Variants in ALPK1 observed in about 807,000 individuals in gnomAD.
ALPK1 encodes alpha-protein kinase 1.
ALPK1 carries 110 observed loss-of-function variants against 120.6 expected under a neutral mutation model. That is an observed-to-expected ratio of 0.91 (90% confidence interval 0.78 to 1.07). The LOEUF is 1.07. ALPK1 is among the 50% of genes least tolerant of loss of function. ALPK1 has a pLI of 0.00. For missense variants in ALPK1, 1,498 were observed against 1,483.9 expected, an observed-to-expected ratio of 1.01 and a Z score of -0.16; for synonymous variants, 582 against 560.3, an observed-to-expected ratio of 1.04 and a Z score of -0.55.
At chr4:112,367,811 T>C (rs1282486318) in intron 2 of ALPK1, among the ~76,000 whole-genome samples, 1 of 152,232 alleles carries the variant, frequency 6.6e-6, no homozygotes, top group African/African-American at 2.4e-5. Flanking sequence ...TCTTCATATA[T>C]TCTATTTCTC....
intron 1 of ALPK1, among the ~76,000 whole-genome samples, chr4:112,311,950 A>G (rs1728422738): frequency 6.6e-6 from 1 of 151,984 alleles, no homozygotes; most frequent in Admixed American, 6.6e-5. Context: ...GAGGAAGCAC[A>G]CACACCAAAA....
intron 4 of ALPK1, among the ~76,000 whole-genome samples, chr4:112,405,419 A>G (rs1354665365): frequency 6.6e-6 from 1 of 152,182 alleles, no homozygotes; most frequent in Non-Finnish European, 1.5e-5. Context: ...ATTTTTAAAT[A>G]TATAACAAGA....
chr4:112,338,590 G>A (rs1401996765), intron 2 of ALPK1, among the ~76,000 whole-genome samples: 2 of 152,200 alleles, frequency 1.3e-5, no homozygotes, highest in Non-Finnish European at 2.9e-5. Context: ...TCAAAGTGGT[G>A]CAGGCATAGA....
intron 2 of ALPK1, among the ~76,000 whole-genome samples, chr4:112,332,645 A>T (rs903260786): frequency 4.6e-5 from 7 of 152,224 alleles, no homozygotes; most frequent in African/African-American, 1.7e-4. Flanking sequence ...CTTGCTGAGT[A>T]AGGTCTTCTC....
intron 8 of ALPK1, among the ~76,000 whole-genome samples, 183 bp from the exon 9 acceptor site, chr4:112,427,387 T>TATTTTTAAAAATTG (rs1553960387): frequency 6.3e-3 from 238 of 37,750 alleles, no homozygotes; most frequent in Non-Finnish European, 9.8e-3. Flanking sequence ...TTAAAAATAG[T>TATTTTTAAAAATTG]ATTTTTAAAA....
intron 2 of ALPK1, among the ~76,000 whole-genome samples, chr4:112,331,666 A>G (rs746430878): frequency 6.6e-6 from 1 of 152,182 alleles, no homozygotes; most frequent in Admixed American, 6.5e-5. Context: ...GACATTTTCT[A>G]TCCTGTCCAT....
intron 4 of ALPK1, among the ~76,000 whole-genome samples, chr4:112,398,377 C>G (rs1732760595): frequency 6.6e-6 from 1 of 152,114 alleles, no homozygotes; most frequent in African/African-American, 2.4e-5. Context: ...ACTGTAACCT[C>G]AAATTCCTCT....
chr4:112,424,458 A>G (rs1360828053), intron 6 of ALPK1, among the ~76,000 whole-genome samples: 6 of 152,200 alleles, frequency 3.9e-5, no homozygotes, highest in Non-Finnish European at 8.8e-5. Flanking sequence ...CTTGTTTCAA[A>G]ATGGATTTTC....
intron 2 of ALPK1, among the ~76,000 whole-genome samples, chr4:112,327,533 T>A (rs912998719): frequency 1.3e-5 from 2 of 152,124 alleles, no homozygotes; most frequent in African/African-American, 2.4e-5. Flanking sequence ...CTCCTAGGCT[T>A]AAGGGATCCC....
chr4:112,371,839 G>T (rs994386576), intron 2 of ALPK1, among the ~76,000 whole-genome samples: 6 of 152,204 alleles, frequency 3.9e-5, no homozygotes, highest in African/African-American at 1.4e-4. Flanking sequence ...TCTCAAAAGA[G>T]CTAGGGAATT....
chr4:112,423,654 T>G (rs1325650680), intron 5 of ALPK1: 1 of 522,606 alleles, frequency 1.9e-6, no homozygotes, highest in Non-Finnish European at 3.6e-6. Flanking sequence ...TAGAAAAGTT[T>G]GCCTCTACTC....
intron 2 of ALPK1, among the ~76,000 whole-genome samples, chr4:112,373,227 G>A (rs577954836): frequency 6.6e-6 from 1 of 152,172 alleles, no homozygotes; most frequent in Admixed American, 6.5e-5. Context: ...ATTGCTTCAG[G>A]GCCTCTTGTT....
At position 112,442,465 on chromosome 4, in the gene ALPK1, AG is replaced by A. The variant is rs1392538341; in HGVS notation, c.*1258del. The A allele has an allele frequency of 6.6e-6, 1 of 152,190 alleles. No individual in the cohort carries two copies. 9.4% of individuals were successfully genotyped at this position (152,190 alleles called of 1,614,324 possible). A position where few individuals can be genotyped will look rare whatever the true frequency, so the allele number is the denominator to read the frequency against. On this transcript the variant is annotated 3_prime_UTR_variant, in exon 16 of 16. Coordinates refer to ENST00000650871, the MANE Select transcript of ALPK1 (RefSeq NM_025144.4). Reference sequence around the variant, plus strand: ...AACAACACACACCAGGGCTTATCAGAGGGTGGACAGTGGGAGGAGGGAGAGG... The same window carrying A: ...AACAACACACACCAGGGCTTATCAGAGGTGGACAGTGGGAGGAGGGAGAGG...
chr4:112,353,592 G>A (rs980985043), intron 2 of ALPK1, among the ~76,000 whole-genome samples: 2 of 152,082 alleles, frequency 1.3e-5, no homozygotes, highest in African/African-American at 2.4e-5. Context: ...AAGGGGCCGG[G>A]CATGGTAGCT....
At chr4:112,370,818 G>A (rs1241537058) in intron 2 of ALPK1, among the ~76,000 whole-genome samples, 2 of 152,202 alleles carry the variant, frequency 1.3e-5, no homozygotes, top group Non-Finnish European at 2.9e-5. Flanking sequence ...CTGGGGAATT[G>A]CAAGTACTAA....
intron 2 of ALPK1, chr4:112,356,105 C>A (rs1258470704): frequency 1.5e-6 from 2 of 1,351,494 alleles, no homozygotes; most frequent in East Asian, 4.6e-5. Flanking sequence ...CCCTCAGCCA[C>A]CCTCTGTGCC....
chr4:112,369,030 T>C (rs199693126), intron 2 of ALPK1, among the ~76,000 whole-genome samples: 1 of 4,054 alleles, frequency 2.5e-4, no homozygotes, highest in Non-Finnish European at 4.8e-4. Context: ...AGCCTTTACT[T>C]CTTTTTTTGT....
chr4:112,368,342 A>G (rs2148721059), intron 2 of ALPK1, among the ~76,000 whole-genome samples: 1 of 152,254 alleles, frequency 6.6e-6, no homozygotes, highest in Admixed American at 6.5e-5. Flanking sequence ...TATGCTGTTT[A>G]TTAATATTTT....
At chr4:112,381,148 G>A (rs527401600) in intron 3 of ALPK1, among the ~76,000 whole-genome samples, 196 of 152,278 alleles carry the variant, frequency 1.3e-3, no homozygotes, top group African/African-American at 4.5e-3. Flanking sequence ...GGGACTGGAC[G>A]GAGCAAGATT....
Sources: allele counts gnomAD v4.1 joint callset (sites outside exome capture counted in the v4.1 genomes callset), GRCh38; gene constraint gnomAD v4.1.1; transcripts MANE v1.5; gene names NCBI Gene and HGNC (gene_info 2026-07-23, HGNC 2026-07-21).